The following GPATCH2L variants were observed in gnomAD, a reference collection of about 807,000 sequenced individuals.
The protein encoded by GPATCH2L is G-patch domain containing 2 like.
A neutral mutation model predicts 57.4 loss-of-function variants in GPATCH2L; 31 were observed. The ratio of observed to expected loss-of-function variants is 0.54; its 90% CI spans 0.41 to 0.73. The LOEUF (loss-of-function observed/expected upper bound fraction) is 0.73, where lower values mean the gene tolerates loss of function less well. GPATCH2L is among the 30% of genes least tolerant of loss of function. The probability of loss-of-function intolerance (pLI) is 0.00; values close to 1 mark genes in which losing one functional copy is unlikely to be tolerated. For synonymous variants in GPATCH2L, 199 were observed against 210.7 expected (o/e 0.94, Z 0.48); for missense variants, 481 against 599.9 (o/e 0.80, Z 2.07).
intron 7 of GPATCH2L, among the ~76,000 whole-genome samples, chr14:76,180,293 G>A (rs1466726540): frequency 4.6e-5 from 7 of 152,108 alleles, no homozygotes; most frequent in Admixed American, 2.0e-4. Flanking sequence ...GGAACTAAAA[G>A]GTGTTCTGAT....
intron 1 of GPATCH2L, chr14:76,152,487 CCT>C (rs1162383041): frequency 3.0e-6 from 1 of 335,348 alleles, no homozygotes; most frequent in Non-Finnish European, 6.0e-6. Context: ...CTACTCCGCC[CCT>C]CACTTCCACC....
intron 1 of GPATCH2L, among the ~76,000 whole-genome samples, chr14:76,224,759 G>A (rs1465895078): frequency 3.9e-5 from 6 of 152,080 alleles, no homozygotes; most frequent in Admixed American, 3.3e-4. Flanking sequence ...AGAATCTATG[G>A]TCAATTAAAT....
intron 8 of GPATCH2L, among the ~76,000 whole-genome samples, chr14:76,189,009 A>G (rs2139767627): frequency 6.6e-6 from 1 of 151,716 alleles, no homozygotes; most frequent in African/African-American, 2.4e-5. Flanking sequence ...AAATGAGGTC[A>G]CTCTGCATGT....
At chr14:76,228,518 C>T (rs1024823132) in intron 1 of GPATCH2L, among the ~76,000 whole-genome samples, 3 of 152,274 alleles carry the variant, frequency 2.0e-5, no homozygotes, top group East Asian at 3.9e-4. Flanking sequence ...TTGAGATTAG[C>T]GTTCTGTGGG....
At chr14:76,198,184 C>T (rs143522517) in intron 9 of GPATCH2L, among the ~76,000 whole-genome samples, 245 of 152,242 alleles carry the variant, frequency 1.6e-3, no homozygotes, top group African/African-American at 5.5e-3. Context: ...TTACGGCTTT[C>T]TAGCATGCAG....
chr14:76,184,506 G>T (rs2039696181), intron 8 of GPATCH2L, among the ~76,000 whole-genome samples: 1 of 151,862 alleles, frequency 6.6e-6, no homozygotes, highest in Non-Finnish European at 1.5e-5. Flanking sequence ...GGGGCGGGGG[G>T]CATTGGGAGG....
At chr14:76,177,576 C>G (rs1000671427) in intron 6 of GPATCH2L, among the ~76,000 whole-genome samples, 5 of 151,918 alleles carry the variant, frequency 3.3e-5, no homozygotes, top group African/African-American at 1.2e-4. Context: ...TTATGCCCTT[C>G]ATGAGTTGAG....
rs2040435540 is a variant in GPATCH2L at position 76,211,094 on chromosome 14, G to C, written c.*9243G>C. ...GAAAGAAATCCTGAAGGATAAGCAG[G>C]AGTTAAGAAGAGTGGATGAAGCCCT... On this transcript the variant is annotated 3_prime_UTR_variant, in exon 10 of 10. Transcript: ENST00000261530. The C allele has an allele frequency of 6.6e-6, 1 of 152,198 alleles. No individual in the cohort carries two copies. Among genetic ancestry groups the C allele is most frequent in the African/African-American group, 2.4e-5 (1 of 41,452 alleles). 9.4% of individuals were successfully genotyped at this position (152,198 alleles called of 1,614,324 possible). A position where few individuals can be genotyped will look rare whatever the true frequency, so the allele number is the denominator to read the frequency against.
In GPATCH2L at chr14:76,154,729, T is replaced by C. The variant is rs35134032; in HGVS notation, c.366T>C (p.Pro122=). The C allele has an allele frequency of 1.2e-6, 2 of 1,614,196 alleles. No individual in the cohort carries two copies. ...CTGACTCCTTTACTGAAAATGCACC[T>C]TGTCGACCACTCAGGCGCAGGCGGA... is the stretch of plus-strand genomic sequence containing the variant. The part of the protein sequence containing the change: ...HESDSFTENA[P]CRPLRRRRKV... The change falls in exon 2 of 10, where the codon CCT becomes CCC. Residue 122 remains proline (P), a synonymous_variant. Coordinates refer to ENST00000261530, the MANE Select transcript of GPATCH2L (RefSeq NM_017926.4). The surrounding 1 kb of genome is among the most constrained non-coding windows in gnomAD (Gnocchi z 4.4).
intron 8 of GPATCH2L, among the ~76,000 whole-genome samples, chr14:76,194,621 A>T (rs2040089846): frequency 6.6e-6 from 1 of 152,110 alleles, no homozygotes; most frequent in Admixed American, 6.5e-5. Context: ...TGCCTTGCTA[A>T]CCAGGTTTTC....
chr14:76,226,965 G>C (rs1014083246), intron 1 of GPATCH2L, among the ~76,000 whole-genome samples: 1 of 152,196 alleles, frequency 6.6e-6, no homozygotes, highest in Non-Finnish European at 1.5e-5. Context: ...AAAAGTGTGT[G>C]AGCATGGAGA....
intron 1 of GPATCH2L, among the ~76,000 whole-genome samples, chr14:76,223,778 G>A (rs111688122): frequency 4.9e-4 from 75 of 152,196 alleles, no homozygotes; most frequent in Middle Eastern, 3.4e-3. Flanking sequence ...AAAAAGACTC[G>A]AGTAAGCATT....
At chr14:76,185,200 A>C (rs958666634) in intron 8 of GPATCH2L, among the ~76,000 whole-genome samples, 1 of 152,018 alleles carries the variant, frequency 6.6e-6, no homozygotes, top group Non-Finnish European at 1.5e-5. Context: ...TGAAATCCAT[A>C]AACCAAGTGT....
rs548367852 is a variant in GPATCH2L, at chr14:76,212,466, C to G, written c.*10615C>G. Reference sequence around the variant, plus strand: ...GGGTGTGACTCACGAGATAATGTTTCTAGATATCTGTGTACCAAATAATGG... The same window carrying G: ...GGGTGTGACTCACGAGATAATGTTTGTAGATATCTGTGTACCAAATAATGG... On this transcript the variant is annotated 3_prime_UTR_variant, in exon 10 of 10. Transcript: ENST00000261530. 1.2e-4 allele frequency: 18 copies of G among 151,220 alleles called. No individual in the cohort carries two copies. Among genetic ancestry groups the G allele is most frequent in the Admixed American group, 8.6e-4 (13 of 15,200 alleles). 9.4% of individuals were successfully genotyped at this position (151,220 alleles called of 1,614,324 possible). A position where few individuals can be genotyped will look rare whatever the true frequency, so the allele number is the denominator to read the frequency against.
rs1364715232 is a variant in GPATCH2L at position 76,207,100 on chromosome 14, ATTG to A, written c.*5250_*5252del. The A allele has an allele frequency of 6.6e-6, 1 of 152,218 alleles. No individual in the cohort carries two copies. Among genetic ancestry groups the A allele is most frequent in the African/African-American group, 2.4e-5 (1 of 41,438 alleles). The allele number at this position is 152,218 out of a possible 1,614,324, so 9.4% of individuals were successfully genotyped here. On this transcript the variant is annotated 3_prime_UTR_variant, in exon 10 of 10. Coordinates refer to ENST00000261530, the MANE Select transcript of GPATCH2L (RefSeq NM_017926.4). ...GAGGCCAGGGCGGGAGGATTGCTTTATTGCAGGAGTTGAAGACCAGCCTATGCA... is the reference window on the plus strand; with the variant it reads ...GAGGCCAGGGCGGGAGGATTGCTTTACAGGAGTTGAAGACCAGCCTATGCA...
chr14:76,214,618 T>C (rs933066888), downstream of GPATCH2L, among the ~76,000 whole-genome samples: 1 of 152,088 alleles, frequency 6.6e-6, no homozygotes, highest in African/African-American at 2.4e-5. Context: ...CTCTCTGGGG[T>C]CTCTTTTATA....
At chr14:76,220,450 AAGAT>A (rs2040509433) in intron 1 of GPATCH2L, among the ~76,000 whole-genome samples, 1 of 152,240 alleles carries the variant, frequency 6.6e-6, no homozygotes, top group African/African-American at 2.4e-5. Context: ...ATCTACCAGA[AAGAT>A]AGAGTTTGTA....
Position 76,155,013 on chromosome 14 carries a change from A to C in GPATCH2L, c.650A>C (p.Asn217Thr). Residue 217 changes from asparagine to threonine, a missense_variant, in exon 2 of 10, where the codon AAC becomes ACC. Asn to Thr is a moderately conservative substitution (Grantham distance 65). Coordinates refer to ENST00000261530, the MANE Select transcript of GPATCH2L (RefSeq NM_017926.4). ...GAACAAAAACAGGGCTCTGATGAGA[A>C]CATGTCAGAATGGTGAGATCTCCCT... ...TDEQKQGSDE[N>T]MSECETSSVC... The C allele has an allele frequency of 6.2e-7, 1 of 1,610,298 alleles. No individual in the cohort carries two copies. The highest frequency in any genetic ancestry group is 8.5e-7 in the Non-Finnish European group (1 of 1,178,888).
rs2038993202 is a variant in GPATCH2L at position 76,169,531 on chromosome 14, C to T, written c.728-2312C>T. Among the ~76,000 whole-genome samples, 5 of 152,278 alleles carry T rather than the reference C, an allele frequency of 3.3e-5. 1 individual carries two copies. The South Asian group carries it at 8.3e-4, about 25-fold the overall frequency. On this transcript the variant is annotated intron_variant, in intron 3 of 9. Coordinates refer to ENST00000261530, the MANE Select transcript of GPATCH2L (RefSeq NM_017926.4). ...GATCCACCTAGCTTCTTGCTTATTC[C>T]CTGGCAGCGCTCTTTTAAGGAGCTC...
Sources: gnomAD v4.1 joint callset for allele counts (sites outside exome capture counted in the v4.1 genomes callset) on GRCh38, gnomAD v4.1.1 for gene constraint, Gnocchi (gnomAD v3.1) non-coding constraint, MANE v1.5 for transcripts, NCBI Gene and HGNC (gene_info 2026-07-23, HGNC 2026-07-21) for gene names.